Variants in TDRD3 observed in about 807,000 individuals in gnomAD.
TDRD3 encodes the protein tudor domain containing 3.
In TDRD3, 45 loss-of-function variants were observed where a neutral mutation model predicts 86.7. The ratio of observed to expected loss-of-function variants is 0.52; its 90% CI spans 0.41 to 0.67. TDRD3 has a LOEUF of 0.67. TDRD3 is among the 30% of genes least tolerant of loss of function. The pLI is 0.00. For synonymous variants in TDRD3, 298 were observed against 301.7 expected (o/e 0.99, Z 0.13); for missense variants, 814 against 889.0 (o/e 0.92, Z 1.07).
At chr13:60,541,467 C>T (rs2137847739) in intron 12 of TDRD3, among the ~76,000 whole-genome samples, 1 of 151,912 alleles carries the variant, frequency 6.6e-6, no homozygotes, top group South Asian at 2.1e-4. Flanking sequence ...TTGCCCAGTC[C>T]ACGGCATTCT....
Position 60,439,810 on chromosome 13 carries a change from T to C in TDRD3, c.126+38T>C, listed in dbSNP as rs113608240. ...TATTAACTTGTAAACATTTGAAATC[T>C]GGAAGCTGTATTCATAAAAAAGTCT... On this transcript the variant is annotated intron_variant, in intron 2 of 13. Coordinates refer to ENST00000377881, the MANE Select transcript of TDRD3 (RefSeq NM_001146070.2). 6.5e-4 allele frequency: 889 copies of C among 1,377,946 alleles called. 7 individuals carry two copies. In the African/African-American group the frequency reaches 0.012, roughly 18 times the overall value. The allele number at this position is 1,377,946 out of a possible 1,614,324, so 85.4% of individuals were successfully genotyped here.
intron 8 of TDRD3, among the ~76,000 whole-genome samples, chr13:60,505,155 AC>A (rs771391365): frequency 3.3e-5 from 5 of 152,088 alleles, no homozygotes; most frequent in Non-Finnish European, 5.9e-5. Flanking sequence ...AGCGGATCCC[AC>A]CCCCACAGAG....
intron 5 of TDRD3, among the ~76,000 whole-genome samples, chr13:60,468,481 TTATG>T (rs1955998584): frequency 6.6e-6 from 1 of 152,134 alleles, no homozygotes; most frequent in African/African-American, 2.4e-5. Context: ...AGCACTAAAA[TTATG>T]TTCATTTCTC....
At chr13:60,465,626 TACTC>T (rs766228299) in intron 4 of TDRD3, among the ~76,000 whole-genome samples, 14 of 152,204 alleles carry the variant, frequency 9.2e-5, no homozygotes, top group South Asian at 2.1e-4. Context: ...TAATCTATCT[TACTC>T]TGTATGGGCT....
chr13:60,430,212 C>A (rs1448466458), intron 1 of TDRD3, among the ~76,000 whole-genome samples: 1 of 152,068 alleles, frequency 6.6e-6, no homozygotes, highest in Non-Finnish European at 1.5e-5. Flanking sequence ...TTTTGTAATA[C>A]CTTACATTTA....
chr13:60,483,709 A>T (rs1488057728), intron 5 of TDRD3, 66 bp from the exon 6 acceptor site: 1 of 1,461,836 alleles, frequency 6.8e-7, no homozygotes, highest in Non-Finnish European at 9.3e-7. Flanking sequence ...TTCCTGTTAC[A>T]TTATAAATGC....
chr13:60,449,952 C>G (rs941679943), intron 3 of TDRD3, among the ~76,000 whole-genome samples: 1 of 152,006 alleles, frequency 6.6e-6, no homozygotes, highest in Non-Finnish European at 1.5e-5. Flanking sequence ...AAGCACCTAC[C>G]TTACCTAGGA....
At chr13:60,425,254 G>A (rs757048313) in intron 1 of TDRD3, among the ~76,000 whole-genome samples, 2 of 152,188 alleles carry the variant, frequency 1.3e-5, no homozygotes, top group Non-Finnish European at 2.9e-5. Context: ...AGAGGTGTAT[G>A]AAAAGGTGCT....
intron 1 of TDRD3, among the ~76,000 whole-genome samples, chr13:60,420,813 G>A (rs1418632522): frequency 3.9e-5 from 6 of 151,980 alleles, no homozygotes; most frequent in African/African-American, 9.7e-5. Context: ...GCGTGATGGC[G>A]GGCGCCTGTA....
chr13:60,459,817 C>T (rs1955767633), intron 3 of TDRD3, among the ~76,000 whole-genome samples: 1 of 152,138 alleles, frequency 6.6e-6, no homozygotes, highest in Non-Finnish European at 1.5e-5. Context: ...GACGGGGATT[C>T]ACCATGTTGG....
In TDRD3 at chr13:60,528,732, A is replaced by C. The variant is rs760942561; in HGVS notation, c.1507A>C (p.Met503Leu). ...TGCTTTTAAAAAAAGAGATAACTCT[A>C]TGCAAAGCAGATCAGGAAAAGGTCC... Reference protein sequence around the residue: ...DGAFKKRDNSMQSRSGKGPSF... With the variant: ...DGAFKKRDNSLQSRSGKGPSF... The change falls in exon 11 of 14, where the codon ATG (methionine) becomes CTG (leucine). Residue 503 changes from methionine (M) to leucine (L), a missense_variant. Physicochemically the swap from Met to Leu is conservative, Grantham distance 15. Coordinates refer to ENST00000377881, the MANE Select transcript of TDRD3 (RefSeq NM_001146070.2). The C allele has an allele frequency of 3.1e-6, 5 of 1,613,052 alleles. No homozygotes were observed. In the African/African-American group the frequency reaches 6.7e-5, roughly 22 times the overall value.
intron 10 of TDRD3, among the ~76,000 whole-genome samples, chr13:60,523,579 T>C (rs531457472): frequency 7.3e-4 from 105 of 143,556 alleles, no homozygotes; most frequent in South Asian, 3.0e-3. Context: ...TTTTCTTTTT[T>C]TTTTTTTTTT....
intron 1 of TDRD3, among the ~76,000 whole-genome samples, chr13:60,417,282 C>T (rs896316165): frequency 6.6e-6 from 1 of 151,666 alleles, no homozygotes; most frequent in Non-Finnish European, 1.5e-5. Flanking sequence ...TCCCAAAGTG[C>T]TCGGATTACA....
chr13:60,471,127 G>A (rs1956069451), intron 5 of TDRD3, among the ~76,000 whole-genome samples: 1 of 152,066 alleles, frequency 6.6e-6, no homozygotes, highest in Non-Finnish European at 1.5e-5. Context: ...CCTTTTCACT[G>A]TGTTGGTAGT....
chr13:60,534,971 C>A, intron 11 of TDRD3, 137 bp from the exon 12 acceptor site: 21 of 672,336 alleles, frequency 3.1e-5, no homozygotes, highest in East Asian at 3.8e-5. Flanking sequence ...TAATGTGACT[C>A]AAAAGGGTTC....
At chr13:60,488,731 G>A (rs528562581) in intron 7 of TDRD3, among the ~76,000 whole-genome samples, 5 of 152,076 alleles carry the variant, frequency 3.3e-5, no homozygotes, top group Admixed American at 3.3e-4. Flanking sequence ...GCACCACCGT[G>A]TCTGGCTAAT....
At chr13:60,507,496 C>T (rs552557165) in intron 8 of TDRD3, among the ~76,000 whole-genome samples, 1 of 152,116 alleles carries the variant, frequency 6.6e-6, no homozygotes, top group Admixed American at 6.5e-5. Flanking sequence ...GTCTGTCAGA[C>T]CACAGTGCAA....
chr13:60,404,838 A>G (rs919479187), intron 1 of TDRD3, among the ~76,000 whole-genome samples: 15 of 152,218 alleles, frequency 9.9e-5, no homozygotes, highest in Non-Finnish European at 1.9e-4. Context: ...TGTAGCTCCC[A>G]TAATCCCCAC....
chr13:60,501,485 G>A (rs1361340945), intron 8 of TDRD3, among the ~76,000 whole-genome samples: 1 of 152,192 alleles, frequency 6.6e-6, no homozygotes, highest in Non-Finnish European at 1.5e-5. Context: ...ATTGGATTTG[G>A]ATGGCTAGAG....
Sources: allele counts gnomAD v4.1 joint callset (sites outside exome capture counted in the v4.1 genomes callset), GRCh38; gene constraint gnomAD v4.1.1; transcripts MANE v1.5; gene names NCBI Gene and HGNC (gene_info 2026-07-23, HGNC 2026-07-21).